CA10: variants seen among roughly 807,000 people sequenced by gnomAD.
The protein encoded by CA10 is carbonic anhydrase-related protein 10.
CA10 carries 14 observed loss-of-function variants against 44.2 expected under a neutral mutation model. The ratio of observed to expected loss-of-function variants is 0.32; its 90% confidence interval spans 0.21 to 0.50. CA10 has a LOEUF of 0.50. Among genes scored for constraint, CA10 ranks in the 20% least tolerant of loss-of-function variants. The pLI, the probability that CA10 is intolerant of heterozygous loss-of-function variation, is 0.99. For synonymous variants in CA10, 159 were observed against 141.6 expected (o/e 1.12, Z -0.87); for missense variants, 350 against 409.7 (o/e 0.85, Z 1.26).
chr17:51,774,117 A>G (rs1278466498), intron 3 of CA10, among the ~76,000 whole-genome samples: 2 of 152,204 alleles, frequency 1.3e-5, no homozygotes, highest in African/African-American at 4.8e-5. Context: ...CTTGTTGTCA[A>G]GAACATTCTC....
intron 4 of CA10, among the ~76,000 whole-genome samples, chr17:51,737,953 C>T (rs1240861004): frequency 6.6e-6 from 1 of 152,214 alleles, no homozygotes; most frequent in Non-Finnish European, 1.5e-5. Context: ...ATATCCTAGG[C>T]TGCTTCGGCT....
In CA10 at chr17:51,929,761, TATAAAA is replaced by T. The variant is rs201660209; in HGVS notation, c.279+1223_279+1228del. Among the ~76,000 whole-genome samples the T allele has an allele frequency of 5.9e-3, 902 of 152,282 alleles. 9 individuals carry two copies. Among genetic ancestry groups the T allele is most frequent in the African/African-American group, 0.021 (853 of 41,556 alleles). On this transcript the variant is annotated intron_variant, in intron 3 of 8. Coordinates refer to ENST00000451037, the MANE Select transcript of CA10 (RefSeq NM_020178.5). Reference sequence around the variant, plus strand: ...GCCATGACAAGCTCCTTGCAGAATTTATAAAAATAAAACTATAAATGGAACAATAAT... The same window carrying T: ...GCCATGACAAGCTCCTTGCAGAATTTATAAAACTATAAATGGAACAATAAT...
At chr17:51,974,393 AAAAAAC>A (rs1443499334) in intron 2 of CA10, among the ~76,000 whole-genome samples, 1 of 84,798 alleles carries the variant, frequency 1.2e-5, no homozygotes, top group Non-Finnish European at 2.5e-5. Flanking sequence ...ATTTAAAAAA[AAAAAAC>A]AAAAACAAAA....
At chr17:51,790,409 C>T (rs1032658100) in intron 3 of CA10, among the ~76,000 whole-genome samples, 3 of 152,192 alleles carry the variant, frequency 2.0e-5, no homozygotes, top group African/African-American at 4.8e-5. Context: ...TGAATGGATA[C>T]GTGGTTGGGA....
chr17:51,899,120 C>G (rs1981201254), intron 3 of CA10, among the ~76,000 whole-genome samples: 1 of 151,676 alleles, frequency 6.6e-6, no homozygotes, highest in Non-Finnish European at 1.5e-5. Context: ...TCTTGTTCCT[C>G]TAGTTGAGAT....
chr17:52,048,333 C>A (rs2144204772), intron 2 of CA10, among the ~76,000 whole-genome samples: 1 of 152,116 alleles, frequency 6.6e-6, no homozygotes, highest in African/African-American at 2.4e-5. Flanking sequence ...TAGAAAGAAG[C>A]AGCTGAGAGC....
chr17:52,004,262 C>T (rs902319334), intron 2 of CA10, among the ~76,000 whole-genome samples: 2 of 151,890 alleles, frequency 1.3e-5, no homozygotes, highest in Non-Finnish European at 2.9e-5. Context: ...CAGTCAGTCC[C>T]AATCAATGCA....
chr17:51,991,017 C>A (rs1985020056), intron 2 of CA10, among the ~76,000 whole-genome samples: 1 of 152,104 alleles, frequency 6.6e-6, no homozygotes, highest in Admixed American at 6.6e-5. Context: ...GGGCTGTGTG[C>A]CCTCGGGCAA....
At chr17:52,002,858 G>C (rs1364924246) in intron 2 of CA10, among the ~76,000 whole-genome samples, 1 of 151,742 alleles carries the variant, frequency 6.6e-6, no homozygotes, top group African/African-American at 2.4e-5. Flanking sequence ...ATATGAAAAA[G>C]TTGTGACTGA....
chr17:51,730,904 TAA>T (rs34601669), intron 4 of CA10, among the ~76,000 whole-genome samples: 94,045 of 147,848 alleles, frequency 0.64, 29,938 homozygotes, highest in East Asian at 0.73. Context: ...AACACAGGGA[TAA>T]AAAAAAAAAA....
intron 3 of CA10, among the ~76,000 whole-genome samples, chr17:51,882,186 G>C (rs1411360371): frequency 6.6e-6 from 1 of 152,024 alleles, no homozygotes; most frequent in Non-Finnish European, 1.5e-5. Context: ...AACATGTACA[G>C]TATTCGCTAT....
chr17:51,752,840 A>G (rs967649446), intron 3 of CA10, among the ~76,000 whole-genome samples: 1 of 152,156 alleles, frequency 6.6e-6, no homozygotes, highest in Non-Finnish European at 1.5e-5. Context: ...GAATCACTTG[A>G]ACCCAGGAGG....
At chr17:51,709,570 G>T (rs1490250960) in intron 4 of CA10, among the ~76,000 whole-genome samples, 1 of 152,202 alleles carries the variant, frequency 6.6e-6, no homozygotes, top group African/African-American at 2.4e-5. Context: ...AAATTTAATT[G>T]ACCTCAAGGT....
intron 4 of CA10, among the ~76,000 whole-genome samples, chr17:51,733,732 A>G (rs866632158): frequency 1.3e-5 from 2 of 152,090 alleles, no homozygotes; most frequent in Admixed American, 6.6e-5. Flanking sequence ...TTCACGGAGG[A>G]GTTGGAGGTG....
intron 3 of CA10, among the ~76,000 whole-genome samples, chr17:51,756,259 C>A (rs1462757674): frequency 6.6e-6 from 1 of 152,120 alleles, no homozygotes; most frequent in Non-Finnish European, 1.5e-5. Flanking sequence ...CCTTATGCTG[C>A]CCAGGTGAGG....
At chr17:51,945,422 G>A (rs1219254015) in intron 2 of CA10, among the ~76,000 whole-genome samples, 2 of 152,088 alleles carry the variant, frequency 1.3e-5, no homozygotes, top group Non-Finnish European at 2.9e-5. Context: ...GCACACATTC[G>A]ATTTTGTCAT....
chr17:51,676,986 G>T (rs1914645389), intron 4 of CA10, among the ~76,000 whole-genome samples: 1 of 152,128 alleles, frequency 6.6e-6, no homozygotes, highest in Non-Finnish European at 1.5e-5. Flanking sequence ...GCCTCGATTT[G>T]ATATCTGGTG....
intron 1 of CA10, among the ~76,000 whole-genome samples, chr17:52,075,702 C>T (rs1347287538): frequency 2.0e-5 from 3 of 152,102 alleles, no homozygotes; most frequent in African/African-American, 7.2e-5. Context: ...TCACCCATTT[C>T]CAAAATATTC....
At chr17:51,745,621 A>C (rs1904652311) in intron 4 of CA10, among the ~76,000 whole-genome samples, 1 of 152,170 alleles carries the variant, frequency 6.6e-6, no homozygotes, top group Non-Finnish European at 1.5e-5. Flanking sequence ...TTTTGGAAGC[A>C]CTCATTTACT....
Sources: allele counts gnomAD v4.1 joint callset (sites outside exome capture counted in the v4.1 genomes callset), GRCh38; gene constraint gnomAD v4.1.1; transcripts MANE v1.5; gene names NCBI Gene and HGNC (gene_info 2026-07-23, HGNC 2026-07-21).